The following SCAPER variants were observed in gnomAD, a reference collection of about 807,000 sequenced individuals.
The protein encoded by SCAPER is S phase cyclin A-associated protein in the endoplasmic reticulum.
SCAPER carries 98 observed loss-of-function variants against 182.2 expected under a neutral mutation model. The observed-to-expected ratio is 0.54, with a 90% confidence interval of 0.46 to 0.64. The LOEUF (loss-of-function observed/expected upper bound fraction) is 0.64, where lower values mean the gene tolerates loss of function less well. SCAPER is among the 30% of genes least tolerant of loss of function. SCAPER has a pLI of 0.00. For missense variants in SCAPER, 1,432 were observed against 1,690.0 expected (o/e 0.85, Z 2.68); for synonymous variants, 605 against 564.6 (o/e 1.07, Z -1.01).
chr15:76,674,869 A>T (rs1035169176), intron 20 of SCAPER, among the ~76,000 whole-genome samples: 1 of 152,218 alleles, frequency 6.6e-6, no homozygotes, highest in Non-Finnish European at 1.5e-5. Context: ...GGCACGCATA[A>T]AGTAACATAA....
At chr15:76,704,564 A>G (rs2059142359) in intron 18 of SCAPER, among the ~76,000 whole-genome samples, 1 of 152,128 alleles carries the variant, frequency 6.6e-6, no homozygotes, top group African/African-American at 2.4e-5. Context: ...TCCCAGCACC[A>G]TTTATTAAAT....
chr15:76,452,849 T>G (rs2048466797), intron 25 of SCAPER, among the ~76,000 whole-genome samples: 1 of 151,682 alleles, frequency 6.6e-6, no homozygotes, highest in Non-Finnish European at 1.5e-5. Context: ...AAGAACTTTT[T>G]TTTTTTTTAG....
At chr15:76,870,394 T>G (rs1476878452) in intron 2 of SCAPER, among the ~76,000 whole-genome samples, 1 of 151,514 alleles carries the variant, frequency 6.6e-6, no homozygotes, top group Admixed American at 6.6e-5. Context: ...AATAAATTAC[T>G]GGGCATACTA....
intron 21 of SCAPER, among the ~76,000 whole-genome samples, chr15:76,651,566 T>A (rs80036735): frequency 3.3e-5 from 5 of 150,670 alleles, no homozygotes; most frequent in Non-Finnish European, 7.4e-5. Flanking sequence ...TAGGAAGAGA[T>A]TGAAATCATG....
At chr15:76,585,956 C>G (rs1197962280) in intron 22 of SCAPER, among the ~76,000 whole-genome samples, 1 of 152,128 alleles carries the variant, frequency 6.6e-6, no homozygotes, top group African/African-American at 2.4e-5. Flanking sequence ...GATAATTTTT[C>G]TAGCATGAAA....
intron 27 of SCAPER, among the ~76,000 whole-genome samples, chr15:76,383,115 CACACCT>C (rs1382277904): frequency 6.6e-6 from 1 of 150,860 alleles, no homozygotes; most frequent in African/African-American, 2.4e-5. Context: ...TACACACACA[CACACCT>C]ACACACACAT....
intron 21 of SCAPER, among the ~76,000 whole-genome samples, chr15:76,644,751 T>A (rs2054403789): frequency 6.6e-6 from 1 of 152,160 alleles, no homozygotes; most frequent in South Asian, 2.1e-4. Flanking sequence ...TGCTCTACTT[T>A]ATTTTTTTAT....
At chr15:76,705,604 G>A (rs2059220614) in intron 18 of SCAPER, among the ~76,000 whole-genome samples, 3 of 149,272 alleles carry the variant, frequency 2.0e-5, no homozygotes, top group Admixed American at 2.0e-4. Context: ...AAAAAACAAT[G>A]TAAATACACT....
At chr15:76,698,560 A>ATTCTGGATACTTCCTTCAGG (rs1323282960) in intron 20 of SCAPER, among the ~76,000 whole-genome samples, 1 of 152,216 alleles carries the variant, frequency 6.6e-6, no homozygotes, top group Non-Finnish European at 1.5e-5. Context: ...CTGTACATTC[A>ATTCTGGATACTTCCTTCAGG]TTCTGGATAC....
At chr15:76,493,720 G>A (rs1239919684) in intron 24 of SCAPER, among the ~76,000 whole-genome samples, 1 of 152,166 alleles carries the variant, frequency 6.6e-6, no homozygotes, top group Non-Finnish European at 1.5e-5. Flanking sequence ...AATTAAACAT[G>A]TTGCCTCTGG....
intron 21 of SCAPER, among the ~76,000 whole-genome samples, chr15:76,657,714 C>A (rs1362463710): frequency 6.6e-6 from 1 of 151,840 alleles, no homozygotes; most frequent in African/African-American, 2.4e-5. Flanking sequence ...AAAAACTAAC[C>A]CACTATGATC....
chr15:76,896,413 A>C (rs1304497166), intron 1 of SCAPER, among the ~76,000 whole-genome samples: 1 of 152,160 alleles, frequency 6.6e-6, no homozygotes, highest in Non-Finnish European at 1.5e-5. Flanking sequence ...ACTTAGGAAT[A>C]TAAATCTAAC....
intron 1 of SCAPER, among the ~76,000 whole-genome samples, chr15:76,895,100 T>C (rs2074362682): frequency 6.6e-6 from 1 of 152,028 alleles, no homozygotes; most frequent in Admixed American, 6.6e-5. Flanking sequence ...CAGGCCCATA[T>C]CCCTGATGAA....
At chr15:76,759,293 G>A (rs907423447) in intron 14 of SCAPER, among the ~76,000 whole-genome samples, 10 of 152,090 alleles carry the variant, frequency 6.6e-5, no homozygotes, top group South Asian at 2.1e-4. Context: ...TTTATTTATC[G>A]TATAATAGTT....
intron 21 of SCAPER, among the ~76,000 whole-genome samples, chr15:76,642,368 T>G (rs1411065592): frequency 6.6e-6 from 1 of 152,226 alleles, no homozygotes; most frequent in Non-Finnish European, 1.5e-5. Context: ...ATTTAGCAAC[T>G]GGGAAGGATT....
intron 5 of SCAPER, among the ~76,000 whole-genome samples, chr15:76,814,366 A>T (rs981580401): frequency 6.6e-6 from 1 of 152,242 alleles, no homozygotes; most frequent in Admixed American, 6.5e-5. Flanking sequence ...ATTACACTAC[A>T]AATCAACAGT....
intron 20 of SCAPER, among the ~76,000 whole-genome samples, chr15:76,685,466 G>C (rs2057986975): frequency 6.6e-6 from 1 of 152,048 alleles, no homozygotes; most frequent in Non-Finnish European, 1.5e-5. Context: ...CTAAATATGA[G>C]CTTGATATGC....
intron 23 of SCAPER, among the ~76,000 whole-genome samples, chr15:76,551,434 T>C (rs1390904151): frequency 6.6e-6 from 1 of 152,116 alleles, no homozygotes; most frequent in Non-Finnish European, 1.5e-5. Flanking sequence ...GAGGACATTA[T>C]GTTAAGTGAA....
chr15:76,499,712 T>C (rs559857643), intron 24 of SCAPER, among the ~76,000 whole-genome samples: 74 of 152,280 alleles, frequency 4.9e-4, no homozygotes, highest in South Asian at 1.7e-3. Flanking sequence ...TTTTAAGTGA[T>C]AAGATGAAGA....
Sources: allele counts gnomAD v4.1 joint callset (sites outside exome capture counted in the v4.1 genomes callset), GRCh38; gene constraint gnomAD v4.1.1; transcripts MANE v1.5; gene names NCBI Gene and HGNC (gene_info 2026-07-23, HGNC 2026-07-21).